Variants in AQR observed in about 807,000 individuals in gnomAD.
AQR encodes aquarius intron-binding spliceosomal factor.
A neutral mutation model predicts 180.5 loss-of-function variants in AQR; 61 were observed. The observed-to-expected ratio is 0.34, with a 90% confidence interval of 0.28 to 0.42. The LOEUF (loss-of-function observed/expected upper bound fraction) is 0.42, where lower values mean the gene tolerates loss of function less well. AQR is among the 10% of genes least tolerant of loss of function. The probability of loss-of-function intolerance (pLI) is 1.00; values close to 1 mark genes in which losing one functional copy is unlikely to be tolerated. For missense variants in AQR, 1,281 were observed against 1,798.3 expected, an observed-to-expected ratio of 0.71 and a Z score of 5.20; for synonymous variants, 551 against 588.8, an observed-to-expected ratio of 0.94 and a Z score of 0.93.
chr15:34,915,212 T>C, intron 15 of AQR, 33 bp from the exon 16 acceptor site: 1 of 1,493,756 alleles, frequency 6.7e-7, no homozygotes, highest in Non-Finnish European at 8.9e-7. Flanking sequence ...TATTTCAATT[T>C]TTTTTTTTTT....
intron 3 of AQR, among the ~76,000 whole-genome samples, chr15:34,958,262 C>T (rs564642205): frequency 6.6e-6 from 1 of 152,164 alleles, no homozygotes; most frequent in South Asian, 2.1e-4. Flanking sequence ...TTCCTATAAT[C>T]CCAGCACTTT....
chr15:34,875,099 A>C (rs978173529), intron 28 of AQR, among the ~76,000 whole-genome samples: 4 of 152,170 alleles, frequency 2.6e-5, no homozygotes, highest in Admixed American at 6.5e-5. Flanking sequence ...TTAGAAGGCA[A>C]GCATGGAATT....
chr15:34,935,531 C>T (rs1444926555), intron 9 of AQR, among the ~76,000 whole-genome samples: 2 of 152,178 alleles, frequency 1.3e-5, no homozygotes, highest in South Asian at 2.1e-4. Flanking sequence ...TACAGGAAAA[C>T]GGAAAGCTTA....
chr15:34,885,849 A>C (rs1893052079), intron 25 of AQR, among the ~76,000 whole-genome samples: 1 of 152,208 alleles, frequency 6.6e-6, no homozygotes, highest in Non-Finnish European at 1.5e-5. Context: ...ATTTATATCT[A>C]AAATATACAA....
chr15:34,893,605 G>A (rs987484597), intron 23 of AQR, 58 bp downstream of exon 23: 156 of 1,018,398 alleles, frequency 1.5e-4, no homozygotes, highest in Non-Finnish European at 2.0e-4. Flanking sequence ...ATGCGCATGC[G>A]TGCACACACA....
chr15:34,906,818 T>A, intron 17 of AQR, 106 bp from the exon 18 acceptor site: 1 of 1,034,546 alleles, frequency 9.7e-7, no homozygotes, highest in Non-Finnish European at 1.4e-6. Flanking sequence ...GGTAGAGAGA[T>A]ACCGTTGAGT....
chr15:34,958,080 C>T (rs544230057), intron 3 of AQR, among the ~76,000 whole-genome samples: 134 of 151,844 alleles, frequency 8.8e-4, no homozygotes, highest in African/African-American at 2.9e-3. Context: ...TGGTGGCGGG[C>T]GCCTGTAATC....
At chr15:34,950,412 C>A (rs982300729) in intron 4 of AQR, among the ~76,000 whole-genome samples, 5 of 151,942 alleles carry the variant, frequency 3.3e-5, no homozygotes, top group Admixed American at 2.0e-4. Context: ...CTAGTTAATT[C>A]TCTCAGATCT....
In AQR at chr15:34,969,637, A is replaced by C. The variant is rs1347579269; in HGVS notation, c.-24T>G. On this transcript the variant is annotated 5_prime_UTR_variant, in exon 1 of 35. Transcript: ENST00000156471. ...ATGGCAGCACTCTTCCCTCCACTCC[A>C]GTGGAAACTAAAGGACCGCTCTGGG... is the stretch of plus-strand genomic sequence containing the variant. 2 of 1,610,808 alleles carry C rather than the reference A, an allele frequency of 1.2e-6. No homozygotes were observed. The highest frequency in any genetic ancestry group is 2.2e-5 in the East Asian group (1 of 44,872).
At chr15:34,864,367 T>A (rs1030023431) in intron 32 of AQR, among the ~76,000 whole-genome samples, 18 of 152,146 alleles carry the variant, frequency 1.2e-4, no homozygotes, top group Non-Finnish European at 2.5e-4. Flanking sequence ...GGAAAGGACA[T>A]ACTCCTTTAC....
intron 25 of AQR, 142 bp from the exon 26 acceptor site, chr15:34,884,876 C>T (rs982312212): frequency 1.5e-6 from 1 of 656,362 alleles, no homozygotes; most frequent in Non-Finnish European, 2.5e-6. Context: ...TATAACTATT[C>T]TTCATTCCTG....
intron 6 of AQR, 105 bp downstream of exon 6, chr15:34,944,183 G>T: frequency 9.2e-7 from 1 of 1,084,164 alleles, no homozygotes; most frequent in Non-Finnish European, 1.3e-6. Flanking sequence ...CTTATTGCCT[G>T]CTATTATGGA....
At chr15:34,872,812 T>C (rs1892839249) in intron 30 of AQR, among the ~76,000 whole-genome samples, 1 of 152,016 alleles carries the variant, frequency 6.6e-6, no homozygotes. Flanking sequence ...CTAATTTGTA[T>C]AACAACCTAT....
In AQR at chr15:34,867,598, A is replaced by G. The variant is rs113754365; in HGVS notation, c.3780T>C (p.Val1260=). 2,766 of 1,610,162 alleles carry G rather than the reference A, an allele frequency of 1.7e-3. 40 individuals carry two copies. The African/African-American group carries it at 0.03, about 18-fold the overall frequency. ...LIGRPNKVTT[V]DRFQGQQNDY... ...CATTCTGTTGACCTTGAAATCTATCAACAGTTGTCACCTAGAAATAAAAAA... is the reference window on the plus strand; with the variant it reads ...CATTCTGTTGACCTTGAAATCTATCGACAGTTGTCACCTAGAAATAAAAAA... The change falls in exon 32 of 35, where the codon GTT becomes GTC. Residue 1260 remains valine, a synonymous_variant. Coordinates refer to ENST00000156471, the MANE Select transcript of AQR (RefSeq NM_014691.3).
intron 13 of AQR, among the ~76,000 whole-genome samples, chr15:34,926,718 A>G (rs1355734157): frequency 1.3e-5 from 2 of 152,238 alleles, no homozygotes; most frequent in Non-Finnish European, 2.9e-5. Flanking sequence ...AATATCACAC[A>G]TAATGAATCT....
rs181241461 is a variant in AQR, at chr15:34,916,120, T to C, written c.1343-941A>G. On this transcript the variant is annotated intron_variant, in intron 15 of 34. Transcript: ENST00000156471. ...TCTTCCCTTATCACCTAATTTATAT[T>C]TGGCAAAATACTGAAGTGAATAATG... is the stretch of plus-strand genomic sequence containing the variant. 5.9e-5 allele frequency among the ~76,000 whole-genome samples: 9 copies of C among 152,320 alleles called. No individual in the cohort carries two copies. The East Asian group carries it at 1.7e-3, about 29-fold the overall frequency.
chr15:34,866,639 A>G (rs1892741305), intron 32 of AQR, among the ~76,000 whole-genome samples: 1 of 152,144 alleles, frequency 6.6e-6, no homozygotes, highest in African/African-American at 2.4e-5. Flanking sequence ...GATGTTAATT[A>G]TATAAACCAT....
In AQR at chr15:34,969,425, T is replaced by A. The variant is rs2050331777; in HGVS notation, c.75+114A>T. ...AGTAAAAAGACGTGTGTGAATCAAT[T>A]AACAAACGAATGCCTCCTCCGGACT... On this transcript the variant is annotated intron_variant, in intron 1 of 34. Coordinates refer to ENST00000156471, the MANE Select transcript of AQR (RefSeq NM_014691.3). 4 of 1,089,006 alleles carry A rather than the reference T, an allele frequency of 3.7e-6. No homozygotes were observed. In the Admixed American group the frequency reaches 6.0e-5, roughly 16 times the overall value. The allele number at this position is 1,089,006 out of a possible 1,614,324, so 67.5% of individuals were successfully genotyped here.
chr15:34,943,024 TGTTTA>T, intron 6 of AQR: 1 of 1,536,846 alleles, frequency 6.5e-7, no homozygotes, highest in South Asian at 1.1e-5. Context: ...CTATTTGTTC[TGTTTA>T]GTTTAATAAA....
Sources: gnomAD v4.1 joint callset for allele counts (sites outside exome capture counted in the v4.1 genomes callset) on GRCh38, gnomAD v4.1.1 for gene constraint, MANE v1.5 for transcripts, NCBI Gene and HGNC (gene_info 2026-07-23, HGNC 2026-07-21) for gene names.